ZBTB49: variants seen among roughly 807,000 people sequenced by gnomAD.
ZBTB49 encodes the protein zinc finger and BTB domain-containing protein 49.
Under a neutral mutation model 57.5 loss-of-function variants are expected in ZBTB49, and 43 were observed. The observed-to-expected ratio is 0.75, with a 90% confidence interval of 0.59 to 0.97. The LOEUF is 0.97. Ranked by LOEUF, ZBTB49 falls within the 50% of genes least tolerant of loss-of-function variation. The pLI, the probability that ZBTB49 is intolerant of heterozygous loss-of-function variation, is 0.00. For synonymous variants in ZBTB49, 369 were observed against 362.1 expected (o/e 1.02, Z -0.22); for missense variants, 938 against 947.7 (o/e 0.99, Z 0.13).
chr4:4,306,027 G>A (rs900279808), intron 3 of ZBTB49, 111 bp from the exon 4 acceptor site: 3 of 781,252 alleles, frequency 3.8e-6, no homozygotes, highest in Non-Finnish European at 6.5e-6. Context: ...CATACTGTTA[G>A]GATGCAGAAT....
chr4:4,310,428 A>G (rs532243336), intron 4 of ZBTB49, among the ~76,000 whole-genome samples: 3 of 152,318 alleles, frequency 2.0e-5, no homozygotes, highest in Non-Finnish European at 2.9e-5. Context: ...GACTAAGTTA[A>G]ATACTCTTCG....
At chr4:4,305,715 T>C (rs1396870158) in intron 3 of ZBTB49, among the ~76,000 whole-genome samples, 1 of 152,212 alleles carries the variant, frequency 6.6e-6, no homozygotes, top group African/African-American at 2.4e-5. Flanking sequence ...TTTGGGGCTC[T>C]CTGTGCTCAT....
At chr4:4,291,868 C>T (rs920439827) in intron 1 of ZBTB49, among the ~76,000 whole-genome samples, 18 of 152,172 alleles carry the variant, frequency 1.2e-4, no homozygotes, top group African/African-American at 3.9e-4. Flanking sequence ...CGGTGGCTCA[C>T]GCCTGTAATC....
intron 4 of ZBTB49, among the ~76,000 whole-genome samples, chr4:4,311,163 A>C (rs1720967780): frequency 6.6e-6 from 1 of 152,254 alleles, no homozygotes; most frequent in African/African-American, 2.4e-5. Flanking sequence ...TACCACTTAA[A>C]ATATTAAATG....
chr4:4,312,912 G>A (rs149344016), intron 4 of ZBTB49, 129 bp from the exon 5 acceptor site: 5 of 1,013,984 alleles, frequency 4.9e-6, no homozygotes, highest in Non-Finnish European at 7.2e-6. Context: ...TGAGTTGTGT[G>A]TAGCTCATCT....
At chr4:4,315,127 T>C (rs1374611593) in intron 5 of ZBTB49, among the ~76,000 whole-genome samples, 5 of 152,218 alleles carry the variant, frequency 3.3e-5, no homozygotes, top group African/African-American at 1.2e-4. Flanking sequence ...TGCATTTTAC[T>C]TTATAGTGAA....
chr4:4,313,200 C>T, intron 5 of ZBTB49, 86 bp downstream of exon 5: 5 of 1,512,410 alleles, frequency 3.3e-6, no homozygotes, highest in Non-Finnish European at 4.5e-6. Context: ...GAAGTGGTGG[C>T]TCACAGATGA....
At position 4,302,328 on chromosome 4, in the gene ZBTB49, A is replaced by G; in HGVS notation, c.492A>G (p.Ala164=). The part of the protein sequence containing the change: ...PHLLQECSAD[A]QQNKTLDESH... Reference sequence around the variant, plus strand: ...TACTGCAGGAATGTTCAGCAGATGCACAGCAGAACAAAACGTTGGATGAAT... The same window carrying G: ...TACTGCAGGAATGTTCAGCAGATGCGCAGCAGAACAAAACGTTGGATGAAT... The change falls in exon 3 of 8, where the codon GCA becomes GCG. Residue 164 remains alanine (A), a synonymous_variant. Coordinates refer to ENST00000337872, the MANE Select transcript of ZBTB49 (RefSeq NM_145291.4). The G allele has an allele frequency of 1.2e-6, 2 of 1,614,256 alleles. No homozygotes were observed. Among genetic ancestry groups the G allele is most frequent in the Non-Finnish European group, 1.7e-6 (2 of 1,180,046 alleles).
At chr4:4,311,007 T>G (rs1720962772) in intron 4 of ZBTB49, among the ~76,000 whole-genome samples, 1 of 152,216 alleles carries the variant, frequency 6.6e-6, no homozygotes, top group South Asian at 2.1e-4. Context: ...TACTATTGGA[T>G]TTTTTGCATG....
At chr4:4,315,535 C>A in intron 5 of ZBTB49, 101 bp from the exon 6 acceptor site, 1 of 1,114,584 alleles carries the variant, frequency 9.0e-7, no homozygotes, top group Admixed American at 2.4e-5. Flanking sequence ...CTTTCTGCAG[C>A]AGTGTCAGGA....
At chr4:4,311,656 G>A (rs1379973760) in intron 4 of ZBTB49, among the ~76,000 whole-genome samples, 1 of 152,160 alleles carries the variant, frequency 6.6e-6, no homozygotes, top group African/African-American at 2.4e-5. Context: ...AGTGTTAGTT[G>A]TATTATTATC....
intron 4 of ZBTB49, among the ~76,000 whole-genome samples, chr4:4,310,538 C>G (rs1006120702): frequency 7.1e-6 from 1 of 141,318 alleles, no homozygotes; most frequent in Non-Finnish European, 1.5e-5. Flanking sequence ...GAGATGGAGT[C>G]TTGCTCTGTT....
At chr4:4,310,776 C>T (rs1302861586) in intron 4 of ZBTB49, among the ~76,000 whole-genome samples, 1 of 151,928 alleles carries the variant, frequency 6.6e-6, no homozygotes, top group Non-Finnish European at 1.5e-5. Flanking sequence ...GCCTCAGCCT[C>T]CCAAAGTGCT....
intron 5 of ZBTB49, 118 bp downstream of exon 5, chr4:4,313,232 C>A: frequency 9.5e-7 from 1 of 1,053,954 alleles, no homozygotes; most frequent in Non-Finnish European, 1.4e-6. Context: ...GCTCACCCTG[C>A]CACTGCAGAA....
At chr4:4,303,692 CTCTT>C (rs1720604630) in intron 3 of ZBTB49, among the ~76,000 whole-genome samples, 2 of 151,512 alleles carry the variant, frequency 1.3e-5, no homozygotes, top group South Asian at 2.1e-4. Context: ...TAATTCATGC[CTCTT>C]TCTCTTTCCC....
intron 7 of ZBTB49, among the ~76,000 whole-genome samples, chr4:4,316,509 C>T (rs561407133): frequency 6.6e-6 from 1 of 152,272 alleles, no homozygotes; most frequent in East Asian, 1.9e-4. Context: ...CCTGTGATCA[C>T]AGCGTTGGAG....
intron 4 of ZBTB49, among the ~76,000 whole-genome samples, chr4:4,312,200 G>A (rs1380337369): frequency 1.3e-5 from 2 of 151,440 alleles, no homozygotes; most frequent in African/African-American, 4.9e-5. Flanking sequence ...ACAGAACACT[G>A]TACAAAATTA....
intron 7 of ZBTB49, among the ~76,000 whole-genome samples, chr4:4,316,855 A>G (rs1721213997): frequency 6.6e-6 from 1 of 152,184 alleles, no homozygotes; most frequent in South Asian, 2.1e-4. Context: ...CACTCTTAGA[A>G]AGTGAAGTTT....
At chr4:4,316,102 A>T (rs1352588163) in intron 7 of ZBTB49, 132 bp downstream of exon 7, 22 of 1,187,208 alleles carry the variant, frequency 1.9e-5, no homozygotes, top group Non-Finnish European at 1.6e-5. Context: ...GCCTCACATG[A>T]TCTCTCATTC....
Sources: gnomAD v4.1 joint callset for allele counts (sites outside exome capture counted in the v4.1 genomes callset) on GRCh38, gnomAD v4.1.1 for gene constraint, MANE v1.5 for transcripts, NCBI Gene and HGNC (gene_info 2026-07-23, HGNC 2026-07-21) for gene names.